Variants in GRIK2 observed in about 807,000 individuals in gnomAD.
GRIK2 encodes glutamate ionotropic receptor kainate type subunit 2.
In GRIK2, 32 loss-of-function variants were observed where a neutral mutation model predicts 100.3. That is an observed-to-expected ratio of 0.32 (90% CI 0.24 to 0.43). The LOEUF is 0.43. GRIK2 is among the 20% of genes least tolerant of loss of function. GRIK2 has a pLI of 1.00. For synonymous variants in GRIK2, 417 were observed against 389.4 expected, an observed-to-expected ratio of 1.07 and a Z score of -0.83; for missense variants, 843 against 1,114.9, an observed-to-expected ratio of 0.76 and a Z score of 3.47.
chr6:101,419,631 A>G (rs976245165), intron 2 of GRIK2, among the ~76,000 whole-genome samples: 3 of 152,242 alleles, frequency 2.0e-5, no homozygotes, highest in Non-Finnish European at 4.4e-5. Context: ...AGTCCCTATC[A>G]TAAGCCTAGA....
At chr6:101,702,592 C>G (rs1343141373) in intron 7 of GRIK2, among the ~76,000 whole-genome samples, 1 of 151,864 alleles carries the variant, frequency 6.6e-6, no homozygotes, top group African/African-American at 2.4e-5. Flanking sequence ...ATGTCTCAAG[C>G]ACTGTTTTTG....
chr6:102,028,712 A>G (rs1193424570), intron 14 of GRIK2, among the ~76,000 whole-genome samples: 1 of 141,942 alleles, frequency 7.0e-6, no homozygotes, highest in Non-Finnish European at 1.6e-5. Flanking sequence ...TATAAGGATA[A>G]TAATTAAGAA....
At chr6:101,445,648 G>C (rs1223892009) in intron 2 of GRIK2, among the ~76,000 whole-genome samples, 1 of 151,826 alleles carries the variant, frequency 6.6e-6, no homozygotes, top group African/African-American at 2.4e-5. Context: ...TTTTGTAATG[G>C]GCAAACAAAT....
At chr6:101,957,383 G>A (rs1238018117) in intron 14 of GRIK2, among the ~76,000 whole-genome samples, 1 of 151,632 alleles carries the variant, frequency 6.6e-6, no homozygotes, top group African/African-American at 2.4e-5. Flanking sequence ...GTAAATTCTG[G>A]ATATTAGCCC....
chr6:101,603,942 T>C (rs1779334382), intron 2 of GRIK2, among the ~76,000 whole-genome samples: 2 of 151,678 alleles, frequency 1.3e-5, no homozygotes, highest in Admixed American at 1.3e-4. Flanking sequence ...CAACTGCAGT[T>C]TCTATTCAGA....
At chr6:101,620,601 G>A (rs1365082282) in intron 2 of GRIK2, among the ~76,000 whole-genome samples, 1 of 152,130 alleles carries the variant, frequency 6.6e-6, no homozygotes, top group Admixed American at 6.6e-5. Flanking sequence ...ACATTCATGT[G>A]TCAAAATATC....
chr6:101,402,458 C>G (rs564676067), intron 2 of GRIK2, among the ~76,000 whole-genome samples: 27 of 152,282 alleles, frequency 1.8e-4, no homozygotes, highest in African/African-American at 6.5e-4. Flanking sequence ...TGGCCTGCTC[C>G]TCTGCAGCCG....
intron 14 of GRIK2, among the ~76,000 whole-genome samples, chr6:101,952,701 C>G (rs1399747108): frequency 6.6e-6 from 1 of 151,518 alleles, no homozygotes; most frequent in African/African-American, 2.4e-5. Flanking sequence ...CTCCTGGGTT[C>G]ACGCCATTCT....
Position 101,802,407 on chromosome 6 carries a change from T to G in GRIK2, c.1172T>G (p.Val391Gly). The change falls in exon 9 of 17, where the codon GTG (valine) becomes GGG (glycine). Residue 391 changes from valine (V) to glycine (G), a missense_variant. Val to Gly is a moderately radical substitution (Grantham distance 109). This residue lies in a region of GRIK2 where 519 missense variants were observed against 643.8 expected (regional missense o/e 0.81). Transcript: ENST00000369134. ...TTGAGAACAGATTTTGATTTGGATG[T>G]GATCAGTCTGAAGGAAGAAGGTCTA... The part of the protein sequence containing the change: ...NGLRTDFDLD[V>G]ISLKEEGLEK... 6.3e-7 allele frequency: 1 copy of G among 1,580,312 alleles called. No homozygotes were observed. The highest frequency in any genetic ancestry group is 1.8e-5 in the Admixed American group (1 of 56,320).
rs1406559051 is a variant in GRIK2 at position 101,827,807 on chromosome 6, A to C, written c.1317+9324A>C. On this transcript the variant is annotated intron_variant, in intron 10 of 16. Coordinates refer to ENST00000369134, the MANE Select transcript of GRIK2 (RefSeq NM_021956.5). ...AAACCTTACTTCTAGACCCAAGAAA[A>C]GACTTTAACAGCTACACGATAGTAG... Among the ~76,000 whole-genome samples, 3 of 152,094 alleles carry C rather than the reference A, an allele frequency of 2.0e-5. No homozygotes were observed. The East Asian group carries it at 5.8e-4, about 29-fold the overall frequency.
At position 101,446,498 on chromosome 6, in the gene GRIK2, A is replaced by G. The variant is rs17061970; in HGVS notation, c.115+47106A>G. ...TCCTCTTCAGTGATAGTTTTTTTATACACTAAGTTTTATACACTAAGAACC... is the reference window on the plus strand; with the variant it reads ...TCCTCTTCAGTGATAGTTTTTTTATGCACTAAGTTTTATACACTAAGAACC... On this transcript the variant is annotated intron_variant, in intron 2 of 16. Coordinates refer to ENST00000369134, the MANE Select transcript of GRIK2 (RefSeq NM_021956.5). Among the ~76,000 whole-genome samples the G allele has an allele frequency of 4.6e-3, 696 of 151,936 alleles. 3 individuals are homozygous for G. The highest frequency in any genetic ancestry group is 0.016 in the African/African-American group (675 of 41,522).
In GRIK2 at chr6:101,640,086, A is replaced by G. The variant is rs563589320; in HGVS notation, c.541+13449A>G. The stretch of plus-strand genomic sequence containing the variant: ...TTTGAGAAAACAAAACTTATTGTGT[A>G]ACATATCTTACAGTTATAACTCAAA... On this transcript the variant is annotated intron_variant, in intron 4 of 16. Transcript: ENST00000369134. Among the ~76,000 whole-genome samples the G allele has an allele frequency of 9.8e-5, 15 of 152,344 alleles. No individual in the cohort carries two copies. The East Asian group carries it at 2.9e-3, about 29-fold the overall frequency.
At chr6:102,056,319 T>C (rs1015898394) in intron 16 of GRIK2, among the ~76,000 whole-genome samples, 1 of 152,014 alleles carries the variant, frequency 6.6e-6, no homozygotes. Context: ...TCAGATTCTA[T>C]ATTTCTAGTG....
chr6:101,793,924 C>G (rs1050664800), intron 7 of GRIK2, among the ~76,000 whole-genome samples: 2 of 152,180 alleles, frequency 1.3e-5, no homozygotes, highest in South Asian at 2.1e-4. Flanking sequence ...GTGGGCGCCC[C>G]TCTCCCAGCC....
chr6:101,670,800 A>T (rs957953265), intron 4 of GRIK2, among the ~76,000 whole-genome samples: 1 of 152,228 alleles, frequency 6.6e-6, no homozygotes, highest in South Asian at 2.1e-4. Context: ...AAACATAATG[A>T]CAAACAGCCA....
At chr6:101,737,262 AT>A (rs1236355641) in intron 7 of GRIK2, among the ~76,000 whole-genome samples, 1 of 151,806 alleles carries the variant, frequency 6.6e-6, no homozygotes, top group Non-Finnish European at 1.5e-5. Context: ...CATTTTCAGT[AT>A]TTTTTCAGCA....
intron 14 of GRIK2, among the ~76,000 whole-genome samples, chr6:101,955,576 T>TTCTCTCTCTCTCTCTCTCTCGCTCTC (rs1791868458): frequency 8.6e-6 from 1 of 116,288 alleles, no homozygotes; most frequent in Non-Finnish European, 1.7e-5. Flanking sequence ...GAGCAAGGCC[T>TTCTCTCTCTCTCTCTCTCTCGCTCTC]TCTCTCTCTC....
intron 12 of GRIK2, among the ~76,000 whole-genome samples, chr6:101,890,951 G>T (rs1787015976): frequency 6.7e-6 from 1 of 149,124 alleles, no homozygotes; most frequent in African/African-American, 2.4e-5. Flanking sequence ...ATTTTTCATG[G>T]AGATAAAAAT....
intron 2 of GRIK2, among the ~76,000 whole-genome samples, chr6:101,486,189 G>A (rs1772817151): frequency 6.6e-6 from 1 of 151,994 alleles, no homozygotes; most frequent in Admixed American, 6.6e-5. Context: ...AACAACTTAA[G>A]TAAAATAAAA....
Sources: gnomAD v4.1 joint callset for allele counts (sites outside exome capture counted in the v4.1 genomes callset) on GRCh38, gnomAD v4.1.1 for gene constraint, gnomAD v4.1.1 regional missense constraint, MANE v1.5 for transcripts, NCBI Gene and HGNC (gene_info 2026-07-23, HGNC 2026-07-21) for gene names.